The following SPATA9 variants were observed in gnomAD, a reference collection of about 807,000 sequenced individuals.
The protein encoded by SPATA9 is spermatogenesis associated 9.
SPATA9 carries 27 observed loss-of-function variants against 25.5 expected under a neutral mutation model. The ratio of observed to expected loss-of-function variants is 1.06; its 90% CI spans 0.78 to 1.46. The LOEUF (loss-of-function observed/expected upper bound fraction) is 1.46, where lower values mean the gene tolerates loss of function less well. Among genes scored for constraint, SPATA9 ranks in the 40% most tolerant of loss-of-function variants. The pLI is 0.00. For synonymous variants in SPATA9, 102 were observed against 105.7 expected (o/e 0.97, Z 0.21); for missense variants, 282 against 297.5 (o/e 0.95, Z 0.38).
At chr5:95,660,561 A>AAC (rs1751169440) in intron 4 of SPATA9, among the ~76,000 whole-genome samples, 1 of 152,198 alleles carries the variant, frequency 6.6e-6, no homozygotes, top group Non-Finnish European at 1.5e-5. Flanking sequence ...CAGCACTAGA[A>AAC]ACCTTTAAAG....
chr5:95,658,523 G>T lies in SPATA9; in HGVS notation c.*100C>A. ...GCCCCCTTCTCTTTTTTTTAAGAAAGCAGAGCAATTCAGAATATGTAAACT... is the reference window on the plus strand; with the variant it reads ...GCCCCCTTCTCTTTTTTTTAAGAAATCAGAGCAATTCAGAATATGTAAACT... On this transcript the variant is annotated 3_prime_UTR_variant, in exon 5 of 5. Transcript: ENST00000274432. The T allele has an allele frequency of 1.5e-6, 2 of 1,330,294 alleles. No individual in the cohort carries two copies. Among genetic ancestry groups the T allele is most frequent in the South Asian group, 1.7e-5 (1 of 58,736 alleles). The allele number at this position is 1,330,294 out of a possible 1,614,324, so 82.4% of individuals were successfully genotyped here. A position where few individuals can be genotyped will look rare whatever the true frequency, so the allele number is the denominator to read the frequency against.
At chr5:95,721,283 C>T in the SPATA9 span, among the ~76,000 whole-genome samples, 10 of 152,292 alleles carry the variant, frequency 6.6e-5, no homozygotes, top group Non-Finnish European at 1.0e-4. Flanking sequence ...AGGATCTTTG[C>T]TTGGCTGTCC....
At chr5:95,711,665 G>A in the SPATA9 span, among the ~76,000 whole-genome samples, 563 of 152,312 alleles carry the variant, frequency 3.7e-3, 5 homozygotes, top group Non-Finnish European at 4.4e-3. Context: ...GTGGGACTGG[G>A]TGAGGGAGAC....
chr5:95,725,192 A>G, the SPATA9 span, among the ~76,000 whole-genome samples: 1 of 152,188 alleles, frequency 6.6e-6, no homozygotes, highest in Non-Finnish European at 1.5e-5. Flanking sequence ...GGTGGCATAT[A>G]TTTTCATTGG....
chr5:95,665,581 T>C (rs1283592874), intron 3 of SPATA9, among the ~76,000 whole-genome samples: 1 of 152,262 alleles, frequency 6.6e-6, no homozygotes, highest in Non-Finnish European at 1.5e-5. Context: ...TAGTATTCAA[T>C]TGTGTATATA....
At chr5:95,670,998 C>G in intron 3 of SPATA9, 1 of 685,744 alleles carries the variant, frequency 1.5e-6, no homozygotes, top group Non-Finnish European at 1.8e-6. Context: ...TTCCTAACCC[C>G]AGCCCCCAAG....
the SPATA9 span, chr5:95,730,752 C>G: frequency 2.8e-6 from 1 of 361,780 alleles, no homozygotes; most frequent in South Asian, 2.0e-5. Context: ...AATAATCCCC[C>G]CAAGGCGACA....
chr5:95,661,149 T>G (rs1751217727), intron 4 of SPATA9, among the ~76,000 whole-genome samples: 2 of 152,112 alleles, frequency 1.3e-5, no homozygotes, highest in Admixed American at 6.6e-5. Context: ...CTTTTTCTGC[T>G]TGTATTTGAC....
chr5:95,675,913 C>T (rs1002144375), intron 2 of SPATA9, among the ~76,000 whole-genome samples: 1 of 151,440 alleles, frequency 6.6e-6, no homozygotes, highest in Non-Finnish European at 1.5e-5. Context: ...CCTCTGCCTC[C>T]CAGGTTCAAG....
chr5:95,666,109 A>T (rs994486606), intron 3 of SPATA9, among the ~76,000 whole-genome samples: 1 of 152,158 alleles, frequency 6.6e-6, no homozygotes, highest in South Asian at 2.1e-4. Context: ...AATCCTATGA[A>T]GTTGGTATTA....
At chr5:95,711,560 C>T in the SPATA9 span, among the ~76,000 whole-genome samples, 1 of 152,170 alleles carries the variant, frequency 6.6e-6, no homozygotes, top group Non-Finnish European at 1.5e-5. Context: ...CCTCCCGCCG[C>T]GGCCGCAGTC....
the SPATA9 span, among the ~76,000 whole-genome samples, chr5:95,726,872 A>G: frequency 3.6e-3 from 555 of 152,216 alleles, 5 homozygotes; most frequent in Non-Finnish European, 4.3e-3. Flanking sequence ...CATGCCCCCA[A>G]CACTCCTTGT....
chr5:95,672,495 C>A (rs908799148), intron 3 of SPATA9, among the ~76,000 whole-genome samples: 1 of 146,320 alleles, frequency 6.8e-6, no homozygotes, highest in Non-Finnish European at 1.5e-5. Flanking sequence ...CTCTGAAGTT[C>A]TTTTCTTTTC....
chr5:95,654,978 CG>C (rs1750650867), downstream of SPATA9, among the ~76,000 whole-genome samples: 1 of 151,948 alleles, frequency 6.6e-6, no homozygotes, highest in Admixed American at 6.6e-5. Context: ...TGAGGAGGAA[CG>C]GGGGAAGTTG....
intron 3 of SPATA9, among the ~76,000 whole-genome samples, chr5:95,667,180 A>C (rs1269433706): frequency 3.9e-5 from 6 of 152,192 alleles, no homozygotes. Flanking sequence ...ATCCTGTTCT[A>C]GTATGCTCAG....
intron 2 of SPATA9, among the ~76,000 whole-genome samples, chr5:95,679,637 T>G (rs2112670275): frequency 6.6e-6 from 1 of 152,274 alleles, no homozygotes; most frequent in Non-Finnish European, 1.5e-5. Flanking sequence ...TTGCTTCCCC[T>G]GACACTAAGG....
chr5:95,706,736 AT>A, the SPATA9 span, among the ~76,000 whole-genome samples: 1 of 152,064 alleles, frequency 6.6e-6, no homozygotes, highest in Non-Finnish European at 1.5e-5. Context: ...AAAGAGGACA[AT>A]TTCTCCCCTT....
At chr5:95,724,313 G>A in the SPATA9 span, among the ~76,000 whole-genome samples, 6 of 152,182 alleles carry the variant, frequency 3.9e-5, no homozygotes, top group East Asian at 1.9e-4. Context: ...TATATTTCCC[G>A]CTTGCAAAAT....
chr5:95,684,091 C>T (rs926759572), upstream of SPATA9, among the ~76,000 whole-genome samples: 3 of 152,040 alleles, frequency 2.0e-5, no homozygotes, highest in Non-Finnish European at 4.4e-5. Flanking sequence ...GAACACCCTC[C>T]GCCATACCAC....
Sources: allele counts gnomAD v4.1 joint callset (sites outside exome capture counted in the v4.1 genomes callset), GRCh38; gene constraint gnomAD v4.1.1; transcripts MANE v1.5; gene names NCBI Gene and HGNC (gene_info 2026-07-23, HGNC 2026-07-21).